The following PEPD variants were observed in gnomAD, a reference collection of about 807,000 sequenced individuals.
The protein encoded by PEPD is peptidase D.
A neutral mutation model predicts 60.7 loss-of-function variants in PEPD; 53 were observed. The ratio of observed to expected loss-of-function variants is 0.87; its 90% CI spans 0.70 to 1.10. The LOEUF (loss-of-function observed/expected upper bound fraction) is 1.10. Ranked by LOEUF, PEPD falls within the 50% of genes least tolerant of loss-of-function variation. The pLI, the probability that PEPD is intolerant of heterozygous loss-of-function variation, is 0.00. For synonymous variants in PEPD, 267 were observed against 284.1 expected, an observed-to-expected ratio of 0.94 and a Z score of 0.60; for missense variants, 711 against 711.9, an observed-to-expected ratio of 1.00 and a Z score of 0.01.
chr19:33,466,706 G>A (rs535156940), intron 7 of PEPD, among the ~76,000 whole-genome samples: 1 of 150,306 alleles, frequency 6.7e-6, no homozygotes, highest in East Asian at 2.0e-4. Flanking sequence ...CTGTTTATGT[G>A]AACTTTCTAA....
intron 12 of PEPD, among the ~76,000 whole-genome samples, chr19:33,392,955 C>T (rs539945619): frequency 5.3e-5 from 8 of 152,204 alleles, no homozygotes; most frequent in Non-Finnish European, 8.8e-5. Context: ...GGGTCTCAGG[C>T]GGGCTGGGGG....
At chr19:33,403,752 T>C (rs1447331480) in intron 11 of PEPD, among the ~76,000 whole-genome samples, 1 of 152,190 alleles carries the variant, frequency 6.6e-6, no homozygotes, top group Non-Finnish European at 1.5e-5. Flanking sequence ...CTTTTTAATC[T>C]CCTGTCTTTT....
chr19:33,389,491 C>T (rs895924182), intron 13 of PEPD, among the ~76,000 whole-genome samples: 5 of 137,346 alleles, frequency 3.6e-5, no homozygotes, highest in Admixed American at 3.4e-4. Flanking sequence ...GAAGCCTGTG[C>T]TGGGCTCCCC....
At chr19:33,489,016 C>T (rs1970448009) in intron 6 of PEPD, among the ~76,000 whole-genome samples, 1 of 152,078 alleles carries the variant, frequency 6.6e-6, no homozygotes, top group African/African-American at 2.4e-5. Context: ...GGCCACAGAC[C>T]CCCAGGGCCA....
At chr19:33,473,016 T>C (rs1481640731) in intron 7 of PEPD, among the ~76,000 whole-genome samples, 1 of 152,004 alleles carries the variant, frequency 6.6e-6, no homozygotes, top group African/African-American at 2.4e-5. Context: ...ATGAAGAAAA[T>C]GATGGTTTAG....
chr19:33,428,745 C>T (rs1969206821), intron 9 of PEPD, among the ~76,000 whole-genome samples: 1 of 152,190 alleles, frequency 6.6e-6, no homozygotes, highest in Admixed American at 6.5e-5. Context: ...GAAGGGCACT[C>T]CTAGAGGCAG....
At chr19:33,413,666 G>C (rs1056213714) in intron 9 of PEPD, 23 bp from the exon 10 acceptor site, 18 of 1,517,706 alleles carry the variant, frequency 1.2e-5, no homozygotes, top group Non-Finnish European at 1.4e-5. Context: ...AGACGCGTCA[G>C]GGTTGGGGCA....
chr19:33,403,474 G>A (rs867901619), intron 11 of PEPD, among the ~76,000 whole-genome samples: 3 of 152,182 alleles, frequency 2.0e-5, no homozygotes, highest in Non-Finnish European at 4.4e-5. Flanking sequence ...CTTCCGTCAC[G>A]AGGGCCTCTC....
chr19:33,390,613 C>T (rs1026362389), intron 13 of PEPD, among the ~76,000 whole-genome samples: 2 of 114,620 alleles, frequency 1.7e-5, no homozygotes, highest in South Asian at 2.3e-4. Flanking sequence ...GCGCCCCAGC[C>T]GCCCAGCCGA....
chr19:33,499,450 CTGT>C (rs1200545628), intron 4 of PEPD, among the ~76,000 whole-genome samples: 3 of 152,322 alleles, frequency 2.0e-5, no homozygotes, highest in African/African-American at 7.2e-5. Flanking sequence ...GTGCCCTGGG[CTGT>C]TGAGGTCAGC....
At chr19:33,399,872 A>G (rs1249514911) in intron 12 of PEPD, among the ~76,000 whole-genome samples, 2 of 152,166 alleles carry the variant, frequency 1.3e-5, no homozygotes, top group African/African-American at 4.8e-5. Flanking sequence ...GCCACGGTCC[A>G]GAGCTGGCCA....
At chr19:33,419,933 A>C (rs1417885777) in intron 9 of PEPD, among the ~76,000 whole-genome samples, 1 of 152,220 alleles carries the variant, frequency 6.6e-6, no homozygotes, top group Non-Finnish European at 1.5e-5. Context: ...AGCGGCCAAG[A>C]CAGCAGCGGT....
intron 4 of PEPD, among the ~76,000 whole-genome samples, chr19:33,496,023 T>C (rs946468926): frequency 3.3e-5 from 5 of 151,840 alleles, no homozygotes; most frequent in African/African-American, 9.7e-5. Context: ...GGTTCAGCTG[T>C]GTCCCTACAC....
At chr19:33,498,124 G>A (rs375802732) in intron 4 of PEPD, among the ~76,000 whole-genome samples, 1 of 152,160 alleles carries the variant, frequency 6.6e-6, no homozygotes, top group Non-Finnish European at 1.5e-5. Flanking sequence ...GAGCCCACGT[G>A]GGCCGCCCCA....
intron 9 of PEPD, among the ~76,000 whole-genome samples, chr19:33,414,160 T>C (rs1035494549): frequency 2.6e-5 from 4 of 152,152 alleles, no homozygotes; most frequent in African/African-American, 9.7e-5. Context: ...ACAGGCCTCC[T>C]GCAGGTGGGG....
intron 3 of PEPD, among the ~76,000 whole-genome samples, chr19:33,507,449 G>A (rs191175993): frequency 8.5e-5 from 13 of 152,308 alleles, no homozygotes; most frequent in East Asian, 3.9e-4. Context: ...GGAGTGGGCC[G>A]GCTTCAGGCT....
chr19:33,413,762 A>G (rs1600096335), intron 9 of PEPD, 119 bp from the exon 10 acceptor site: 1 of 687,718 alleles, frequency 1.5e-6, no homozygotes, highest in East Asian at 2.7e-5. Flanking sequence ...GTGGCCCCAC[A>G]ATGGTCCAAA....
intron 9 of PEPD, among the ~76,000 whole-genome samples, chr19:33,437,273 C>T (rs1023692675): frequency 6.6e-6 from 1 of 152,138 alleles, no homozygotes; most frequent in East Asian, 1.9e-4. Context: ...GTTTAACTAC[C>T]TCCATCAATT....
chr19:33,413,232 T>TCACA (rs1968816382), intron 10 of PEPD, among the ~76,000 whole-genome samples: 1 of 152,190 alleles, frequency 6.6e-6, no homozygotes, highest in Non-Finnish European at 1.5e-5. Context: ...CACAGCCCGG[T>TCACA]CCCCACATGC....
Sources: allele counts gnomAD v4.1 joint callset (sites outside exome capture counted in the v4.1 genomes callset), GRCh38; gene constraint gnomAD v4.1.1; transcripts MANE v1.5; gene names NCBI Gene and HGNC (gene_info 2026-07-23, HGNC 2026-07-21).